Variants in SAMTOR observed in about 807,000 individuals in gnomAD.
SAMTOR encodes the protein S-adenosylmethionine sensor upstream of mTORC1.
At chr7:112,933,631 G>A in the SAMTOR span, among the ~76,000 whole-genome samples, 2 of 152,144 alleles carry the variant, frequency 1.3e-5, no homozygotes, top group Admixed American at 6.5e-5. Context: ...CTCCCAGGAC[G>A]AGCACATCCT....
At chr7:112,894,692 G>A in the SAMTOR span, among the ~76,000 whole-genome samples, 1 of 152,048 alleles carries the variant, frequency 6.6e-6, no homozygotes, top group Non-Finnish European at 1.5e-5. Flanking sequence ...AACAGTATGG[G>A]GGAAACCGCC....
chr7:112,857,189 T>C, the SAMTOR span, among the ~76,000 whole-genome samples: 1 of 148,868 alleles, frequency 6.7e-6, no homozygotes, highest in African/African-American at 2.6e-5. Flanking sequence ...CTTCCCGGGT[T>C]CACGCCATTC....
chr7:112,923,585 A>T, the SAMTOR span, among the ~76,000 whole-genome samples: 12 of 152,218 alleles, frequency 7.9e-5, no homozygotes, highest in Non-Finnish European at 1.5e-4. Context: ...ACACTTTTAC[A>T]CTATTGGTGG....
chr7:112,824,947 TC>T, the SAMTOR span, among the ~76,000 whole-genome samples: 7 of 152,138 alleles, frequency 4.6e-5, no homozygotes, highest in Non-Finnish European at 7.3e-5. Context: ...TTATTCTAGG[TC>T]CTTTGAATTT....
chr7:112,921,478 T>G, the SAMTOR span, among the ~76,000 whole-genome samples: 11 of 151,306 alleles, frequency 7.3e-5, no homozygotes, highest in South Asian at 1.5e-3. Flanking sequence ...ACGTTAGACC[T>G]AAAACCATAA....
chr7:112,834,179 T>A, the SAMTOR span, among the ~76,000 whole-genome samples: 1 of 152,190 alleles, frequency 6.6e-6, no homozygotes, highest in African/African-American at 2.4e-5. Flanking sequence ...AGTCTAAAGA[T>A]CACTTAAGGA....
At chr7:112,912,170 C>T in the SAMTOR span, among the ~76,000 whole-genome samples, 2 of 151,756 alleles carry the variant, frequency 1.3e-5, no homozygotes, top group Non-Finnish European at 2.9e-5. Context: ...GAAAAATTTC[C>T]TAATTCTTAG....
At chr7:112,923,477 AAAATAAAT>A in the SAMTOR span, among the ~76,000 whole-genome samples, 853 of 152,226 alleles carry the variant, frequency 5.6e-3, 4 homozygotes, top group African/African-American at 0.019. Context: ...TGATCAATAA[AAAATAAAT>A]AAATAAATAA....
chr7:112,824,081 C>T, the SAMTOR span, among the ~76,000 whole-genome samples: 1 of 152,076 alleles, frequency 6.6e-6, no homozygotes, highest in African/African-American at 2.4e-5. Context: ...GATGCAAGTC[C>T]TTTATGATAT....
At chr7:112,916,268 T>C in the SAMTOR span, among the ~76,000 whole-genome samples, 90,148 of 152,010 alleles carry the variant, frequency 0.59, 29,828 homozygotes, top group East Asian at 0.9. Flanking sequence ...TGATGACTAA[T>C]AAAGGTAGGA....
At chr7:112,939,735 C>A in the SAMTOR span, 2 of 1,602,112 alleles carry the variant, frequency 1.2e-6, no homozygotes, top group South Asian at 2.2e-5. Context: ...TTTCGGCCGC[C>A]GGCCCCTGGC....
At chr7:112,827,021 T>C in the SAMTOR span, among the ~76,000 whole-genome samples, 1 of 152,200 alleles carries the variant, frequency 6.6e-6, no homozygotes, top group Non-Finnish European at 1.5e-5. Flanking sequence ...TATGTACTCT[T>C]GATGAACTGA....
chr7:112,906,353 A>G, the SAMTOR span, among the ~76,000 whole-genome samples: 1 of 152,190 alleles, frequency 6.6e-6, no homozygotes, highest in African/African-American at 2.4e-5. Context: ...TATGTAGTCC[A>G]TATATTTCCA....
chr7:112,924,792 ATTTAT>A, the SAMTOR span, among the ~76,000 whole-genome samples: 1 of 140,158 alleles, frequency 7.1e-6, no homozygotes, highest in Admixed American at 7.6e-5. Flanking sequence ...ATAAATTATG[ATTTAT>A]TTTAATATAA....
At chr7:112,847,914 G>C in the SAMTOR span, among the ~76,000 whole-genome samples, 1 of 152,168 alleles carries the variant, frequency 6.6e-6, no homozygotes, top group Non-Finnish European at 1.5e-5. Flanking sequence ...TAGGGCAGGA[G>C]GACTGCTTGA....
chr7:112,859,166 A>G, the SAMTOR span, among the ~76,000 whole-genome samples: 2 of 152,206 alleles, frequency 1.3e-5, no homozygotes, highest in African/African-American at 4.8e-5. Context: ...CCTGCCCTGC[A>G]GATTTTGGAC....
At chr7:112,869,765 T>C in the SAMTOR span, among the ~76,000 whole-genome samples, 1 of 152,072 alleles carries the variant, frequency 6.6e-6, no homozygotes, top group African/African-American at 2.4e-5. Flanking sequence ...AGAATATGGA[T>C]GGCAAGAAAA....
At chr7:112,935,754 G>A in the SAMTOR span, among the ~76,000 whole-genome samples, 9 of 152,182 alleles carry the variant, frequency 5.9e-5, no homozygotes, top group Non-Finnish European at 8.8e-5. Context: ...AATGAAAAGT[G>A]TACTTTTACT....
the SAMTOR span, among the ~76,000 whole-genome samples, chr7:112,934,219 T>C: frequency 6.6e-6 from 1 of 152,184 alleles, no homozygotes; most frequent in Non-Finnish European, 1.5e-5. Flanking sequence ...AAACTCTAAC[T>C]ACTGGTGTGT....
Sources: gnomAD v4.1 joint callset for allele counts (sites outside exome capture counted in the v4.1 genomes callset) on GRCh38, gnomAD v4.1.1 for gene constraint, MANE v1.5 for transcripts, NCBI Gene and HGNC (gene_info 2026-07-23, HGNC 2026-07-21) for gene names.